The following PRELID2 variants were observed in gnomAD, a reference collection of about 807,000 sequenced individuals.
PRELID2 encodes PRELI domain-containing protein 2.
PRELID2 carries 25 observed loss-of-function variants against 28.4 expected under a neutral mutation model. The ratio of observed to expected loss-of-function variants is 0.88; its 90% CI spans 0.64 to 1.23. PRELID2 has a LOEUF of 1.23. PRELID2 is among the 50% of genes most tolerant of loss of function. The pLI is 0.00. For synonymous variants in PRELID2, 76 were observed against 71.6 expected (o/e 1.06, Z -0.31); for missense variants, 201 against 214.4 (o/e 0.94, Z 0.39).
intron 1 of PRELID2, among the ~76,000 whole-genome samples, chr5:145,532,518 A>G (rs1752662138): frequency 6.6e-6 from 1 of 152,090 alleles, no homozygotes; most frequent in African/African-American, 2.4e-5. Flanking sequence ...CAAGTATACA[A>G]AAACTTAACT....
At chr5:145,656,145 G>T (rs1172383181) in intron 1 of PRELID2, among the ~76,000 whole-genome samples, 1 of 152,134 alleles carries the variant, frequency 6.6e-6, no homozygotes, top group African/African-American at 2.4e-5. Flanking sequence ...ACAGACACAT[G>T]AAAAAATGCT....
chr5:145,416,928 G>T, the PRELID2 span, among the ~76,000 whole-genome samples: 2 of 151,686 alleles, frequency 1.3e-5, no homozygotes, highest in African/African-American at 4.8e-5. Flanking sequence ...CCCATAAAAA[G>T]CAAAAGCAAG....
At chr5:145,611,134 T>A (rs530044676) in intron 1 of PRELID2, among the ~76,000 whole-genome samples, 30 of 152,062 alleles carry the variant, frequency 2.0e-4, no homozygotes, top group African/African-American at 7.2e-4. Flanking sequence ...ACTGTACAGA[T>A]AAATTATTAG....
At chr5:145,697,080 T>TACATACAC (rs1755294712) in intron 1 of PRELID2, among the ~76,000 whole-genome samples, 6 of 85,948 alleles carry the variant, frequency 7.0e-5, no homozygotes, top group South Asian at 7.4e-4. Flanking sequence ...TATATATATA[T>TACATACAC]ACACACACAC....
At chr5:145,740,593 ATATATATATATTATATATATAAAT>A (rs1189781248) in intron 1 of PRELID2, among the ~76,000 whole-genome samples, 1 of 2,064 alleles carries the variant, frequency 4.8e-4, no homozygotes, top group East Asian at 0.036. Flanking sequence ...ATATATATAA[ATATATATATATTATATATATAAAT>A]ATATATATAT....
At chr5:145,812,077 C>G (rs1298978400) in intron 4 of PRELID2, among the ~76,000 whole-genome samples, 2 of 152,146 alleles carry the variant, frequency 1.3e-5, no homozygotes, top group Non-Finnish European at 2.9e-5. Context: ...TATCATTCCT[C>G]TGAACACGCT....
the PRELID2 span, among the ~76,000 whole-genome samples, chr5:145,277,205 C>G: frequency 6.6e-6 from 1 of 152,190 alleles, no homozygotes; most frequent in South Asian, 2.1e-4. Flanking sequence ...GGGATTAGCA[C>G]TTACTAAATG....
intron 1 of PRELID2, among the ~76,000 whole-genome samples, chr5:145,618,830 C>T (rs1295227785): frequency 6.6e-6 from 1 of 152,086 alleles, no homozygotes; most frequent in Non-Finnish European, 1.5e-5. Context: ...TGTCTCAGCT[C>T]AGACCCTCCT....
At chr5:145,402,394 G>T in the PRELID2 span, among the ~76,000 whole-genome samples, 1 of 152,082 alleles carries the variant, frequency 6.6e-6, no homozygotes, top group Non-Finnish European at 1.5e-5. Context: ...TGAAACTTTA[G>T]GATTGTTTAT....
chr5:145,277,834 T>A, the PRELID2 span, among the ~76,000 whole-genome samples: 1 of 152,164 alleles, frequency 6.6e-6, no homozygotes, highest in Non-Finnish European at 1.5e-5. Context: ...GGGTCAGCAG[T>A]AGCTGATGTT....
At chr5:145,543,214 C>T (rs945499225) in intron 1 of PRELID2, among the ~76,000 whole-genome samples, 3 of 152,112 alleles carry the variant, frequency 2.0e-5, no homozygotes, top group Admixed American at 6.6e-5. Flanking sequence ...AGGATGTACT[C>T]TCCATGAGGA....
At chr5:145,499,795 T>G (rs1445235671) in intron 1 of PRELID2, among the ~76,000 whole-genome samples, 1 of 152,228 alleles carries the variant, frequency 6.6e-6, no homozygotes, top group East Asian at 1.9e-4. Flanking sequence ...CAGAGAAAGA[T>G]TCCAGTCAGC....
chr5:145,303,551 C>A, the PRELID2 span, among the ~76,000 whole-genome samples: 2 of 152,134 alleles, frequency 1.3e-5, no homozygotes, highest in Admixed American at 6.5e-5. Context: ...CTCTCTGCAT[C>A]TCTCTCTAGG....
intron 2 of PRELID2, among the ~76,000 whole-genome samples, chr5:145,472,555 A>T (rs1228264764): frequency 6.6e-6 from 1 of 152,148 alleles, no homozygotes; most frequent in Non-Finnish European, 1.5e-5. Flanking sequence ...AGAAAAATAA[A>T]TCTTTATCCA....
chr5:145,419,308 G>C, the PRELID2 span, among the ~76,000 whole-genome samples: 2 of 132,014 alleles, frequency 1.5e-5, no homozygotes, highest in East Asian at 4.1e-4. Context: ...TCGCCACACT[G>C]ACTTCCACAA....
At chr5:145,766,275 C>T (rs1437770735) in intron 5 of PRELID2, among the ~76,000 whole-genome samples, 1 of 152,058 alleles carries the variant, frequency 6.6e-6, no homozygotes, top group Non-Finnish European at 1.5e-5. Context: ...TACAGATCCC[C>T]AGGCCCCTCC....
chr5:145,459,895 C>A, the PRELID2 span, among the ~76,000 whole-genome samples: 1 of 151,686 alleles, frequency 6.6e-6, no homozygotes, highest in Non-Finnish European at 1.5e-5. Flanking sequence ...CCACAACCTC[C>A]AACTCCCGGG....
At chr5:145,240,895 G>A in the PRELID2 span, among the ~76,000 whole-genome samples, 1 of 152,002 alleles carries the variant, frequency 6.6e-6, no homozygotes, top group African/African-American at 2.4e-5. Flanking sequence ...AAAGCAGAAT[G>A]TGTAATGATT....
intron 1 of PRELID2, among the ~76,000 whole-genome samples, chr5:145,603,312 C>T (rs1014868012): frequency 7.9e-5 from 12 of 151,024 alleles, no homozygotes; most frequent in African/African-American, 2.7e-4. Flanking sequence ...AAAGAAAAAT[C>T]TTTGAATGAG....
Sources: gnomAD v4.1 joint callset for allele counts (sites outside exome capture counted in the v4.1 genomes callset) on GRCh38, gnomAD v4.1.1 for gene constraint, MANE v1.5 for transcripts, NCBI Gene and HGNC (gene_info 2026-07-23, HGNC 2026-07-21) for gene names.